JAG1: variants seen among roughly 807,000 people sequenced by gnomAD.
The protein encoded by JAG1 is jagged canonical Notch ligand 1, also known as protein jagged-1.
JAG1 carries 23 observed loss-of-function variants against 148.7 expected under a neutral mutation model. That is an observed-to-expected ratio of 0.15 (90% CI 0.11 to 0.22). JAG1 has a LOEUF of 0.22. Ranked by LOEUF, JAG1 falls within the 10% of genes least tolerant of loss-of-function variation. The pLI is 1.00. For missense variants in JAG1, 1,054 were observed against 1,611.2 expected, an observed-to-expected ratio of 0.65 and a Z score of 5.92; for synonymous variants, 572 against 598.3, an observed-to-expected ratio of 0.96 and a Z score of 0.64.
At chr20:10,649,736 A>C in intron 9 of JAG1, 101 bp from the exon 10 acceptor site, 1 of 732,512 alleles carries the variant, frequency 1.4e-6, no homozygotes, top group Non-Finnish European at 2.5e-6. Context: ...GAGACATGAG[A>C]CATTTTAATA....
At chr20:10,662,602 A>C (rs976231599) in intron 3 of JAG1, 1 of 152,584 alleles carries the variant, frequency 6.6e-6, no homozygotes, top group Non-Finnish European at 1.5e-5. Flanking sequence ...CCTAACGCTT[A>C]GTTACCATTG....
intron 3 of JAG1, among the ~76,000 whole-genome samples, chr20:10,660,338 TC>T (rs2067407911): frequency 6.6e-6 from 1 of 152,230 alleles, no homozygotes; most frequent in African/African-American, 2.4e-5. Flanking sequence ...AACACTTTAC[TC>T]GTTTTTGCAA....
chr20:10,652,414 T>G, intron 6 of JAG1, 54 bp downstream of exon 6: 1 of 1,609,728 alleles, frequency 6.2e-7, no homozygotes, highest in African/African-American at 1.3e-5. Flanking sequence ...GAAACCAAAT[T>G]AGTGCCATCC....
chr20:10,646,579 T>G (rs545065769), intron 14 of JAG1, among the ~76,000 whole-genome samples: 1,690 of 148,312 alleles, frequency 0.011, 32 homozygotes, highest in Admixed American at 0.051. Context: ...AAGTTGGGGG[T>G]CGGGGGGTGG....
chr20:10,641,942 G>C (rs1438552678), intron 21 of JAG1, 50 bp from the exon 22 acceptor site: 1 of 1,234,190 alleles, frequency 8.1e-7, no homozygotes, highest in African/African-American at 1.5e-5. Flanking sequence ...AACCGGATCG[G>C]GGTTCAATTC....
intron 25 of JAG1, 142 bp downstream of exon 25, chr20:10,640,641 G>C (rs1419842116): frequency 1.2e-6 from 1 of 830,786 alleles, no homozygotes; most frequent in Non-Finnish European, 2.0e-6. Flanking sequence ...AGTAAAGTAG[G>C]CTGCCCTCAG....
At chr20:10,667,877 A>C (rs2067466009) in intron 2 of JAG1, among the ~76,000 whole-genome samples, 1 of 152,214 alleles carries the variant, frequency 6.6e-6, no homozygotes, top group Admixed American at 6.5e-5. Context: ...TAGAATACCA[A>C]GAAGCCAGCC....
intron 23 of JAG1, 79 bp from the exon 24 acceptor site, chr20:10,641,323 G>T: frequency 6.3e-7 from 1 of 1,581,380 alleles, no homozygotes; most frequent in Admixed American, 1.7e-5. Flanking sequence ...CTTTGAGGCT[G>T]GCTAAGTTCA....
chr20:10,648,709 C>T lies in JAG1; in HGVS notation c.1409G>A (p.Gly470Asp), dbSNP rs745917248. 1 of 1,614,192 alleles carries T rather than the reference C, an allele frequency of 6.2e-7. No individual in the cohort carries two copies. The highest frequency in any genetic ancestry group is 8.5e-7 in the Non-Finnish European group (1 of 1,180,014). ...GCCAGGTGGACAGATACAGCGATAA[C>T]CATTAACCAAATCCTAGAAGAGGAG... ...NDASCRDLVN[G>D]YRCICPPGYA... The change falls in exon 12 of 26, where the codon GGT (glycine) becomes GAT (aspartate). Residue 470 changes from glycine (G) to aspartate (D), a missense_variant. By Grantham distance (94) the Gly-to-Asp change is moderately conservative. Transcript: ENST00000254958.
At chr20:10,662,890 T>C (rs2067426811) in intron 3 of JAG1, among the ~76,000 whole-genome samples, 1 of 152,150 alleles carries the variant, frequency 6.6e-6, no homozygotes, top group South Asian at 2.1e-4. Context: ...CCAAATGGCC[T>C]GGGACTCTCT....
intron 4 of JAG1, 109 bp downstream of exon 4, chr20:10,658,359 A>G (rs2067392069): frequency 6.8e-7 from 1 of 1,470,140 alleles, no homozygotes; most frequent in Non-Finnish European, 9.4e-7. Flanking sequence ...AATAACAGCC[A>G]AAATCCCACC....
chr20:10,652,294 T>C (rs1337114907), intron 6 of JAG1, 44 bp from the exon 7 acceptor site: 1 of 1,612,180 alleles, frequency 6.2e-7, no homozygotes, highest in Non-Finnish European at 8.5e-7. Context: ...CCTGTGAAGA[T>C]GGCGAACCCA....
At position 10,638,734 on chromosome 20, in the gene JAG1, A is replaced by G. The variant is rs2067249226; in HGVS notation, c.*764T>C. 1 of 152,668 alleles carries G rather than the reference A, an allele frequency of 6.6e-6. No homozygotes were observed. Among genetic ancestry groups the G allele is most frequent in the African/African-American group, 2.4e-5 (1 of 41,464 alleles). 9.5% of individuals were successfully genotyped at this position (152,668 alleles called of 1,614,324 possible). On this transcript the variant is annotated 3_prime_UTR_variant, in exon 26 of 26. Transcript: ENST00000254958. ...ACACCTTAATTTTGGCTTATAGGCAACAAGTAATGAGAAGAGTTCAAAAAA... is the reference window on the plus strand; with the variant it reads ...ACACCTTAATTTTGGCTTATAGGCAGCAAGTAATGAGAAGAGTTCAAAAAA...
chr20:10,670,760 C>T (rs898432828), intron 2 of JAG1, among the ~76,000 whole-genome samples: 4 of 152,204 alleles, frequency 2.6e-5, no homozygotes, highest in African/African-American at 7.2e-5. Flanking sequence ...GGTGCCCCAT[C>T]GGTCTTCCCC....
At chr20:10,651,367 A>G (rs375904020) in intron 8 of JAG1, 2 of 549,568 alleles carry the variant, frequency 3.6e-6, no homozygotes, top group East Asian at 2.9e-5. Flanking sequence ...CGTTCCTTCC[A>G]AGAACAGATA....
intron 25 of JAG1, among the ~76,000 whole-genome samples, 170 bp downstream of exon 25, chr20:10,640,613 C>T (rs1035840408): frequency 2.0e-5 from 3 of 152,228 alleles, no homozygotes; most frequent in Non-Finnish European, 2.9e-5. Flanking sequence ...CCTCTGTTCC[C>T]ATGGGCCATG....
intron 21 of JAG1, 38 bp downstream of exon 21, chr20:10,642,450 C>T: frequency 1.6e-6 from 2 of 1,253,974 alleles, no homozygotes; most frequent in Non-Finnish European, 2.3e-6. Context: ...TCGCTCACCC[C>T]AGAAGACCCA....
chr20:10,666,744 T>C (rs2067456519), intron 2 of JAG1, among the ~76,000 whole-genome samples: 1 of 152,204 alleles, frequency 6.6e-6, no homozygotes, highest in Non-Finnish European at 1.5e-5. Flanking sequence ...CAAGGAAATC[T>C]GGAAACCTGG....
At chr20:10,641,331 T>C (rs2067269909) in intron 23 of JAG1, 87 bp from the exon 24 acceptor site, 2 of 1,567,260 alleles carry the variant, frequency 1.3e-6, no homozygotes, top group Non-Finnish European at 1.8e-6. Flanking sequence ...CTGGCTAAGT[T>C]CAAGCTTACT....
Sources: allele counts gnomAD v4.1 joint callset (sites outside exome capture counted in the v4.1 genomes callset), GRCh38; gene constraint gnomAD v4.1.1; transcripts MANE v1.5; gene names NCBI Gene and HGNC (gene_info 2026-07-23, HGNC 2026-07-21).